The following VTI1A variants were observed in gnomAD, a reference collection of about 807,000 sequenced individuals.
VTI1A encodes vesicle transport through interaction with t-SNAREs 1A, also known as vesicle transport through interaction with t-SNAREs homolog 1A.
A neutral mutation model predicts 34.9 loss-of-function variants in VTI1A; 22 were observed. The observed-to-expected ratio is 0.63, with a 90% CI of 0.45 to 0.90. VTI1A has a LOEUF of 0.90. VTI1A is among the 40% of genes least tolerant of loss of function. The pLI is 0.00. For synonymous variants in VTI1A, 87 were observed against 97.3 expected, an observed-to-expected ratio of 0.89 and a Z score of 0.62; for missense variants, 268 against 275.6, an observed-to-expected ratio of 0.97 and a Z score of 0.20.
At chr10:112,678,830 C>T (rs1479824041) in intron 7 of VTI1A, among the ~76,000 whole-genome samples, 1 of 152,124 alleles carries the variant, frequency 6.6e-6, no homozygotes, top group Non-Finnish European at 1.5e-5. Flanking sequence ...CAAGGCAAGG[C>T]TTATCTGCAC....
At chr10:112,792,917 T>C (rs1228757766) in intron 7 of VTI1A, among the ~76,000 whole-genome samples, 1 of 152,226 alleles carries the variant, frequency 6.6e-6, no homozygotes, top group Non-Finnish European at 1.5e-5. Flanking sequence ...GATTATGCTT[T>C]CAGTTGTTAA....
At chr10:112,567,939 C>T (rs1851967873) in intron 5 of VTI1A, among the ~76,000 whole-genome samples, 1 of 152,134 alleles carries the variant, frequency 6.6e-6, no homozygotes, top group Non-Finnish European at 1.5e-5. Flanking sequence ...ATAGGCAAAA[C>T]CAGATTTCTC....
intron 7 of VTI1A, among the ~76,000 whole-genome samples, chr10:112,703,738 C>T (rs2133905344): frequency 6.6e-6 from 1 of 152,188 alleles, no homozygotes; most frequent in African/African-American, 2.4e-5. Context: ...CAGGTTGTAA[C>T]ATTTGAACAT....
intron 3 of VTI1A, among the ~76,000 whole-genome samples, chr10:112,498,854 C>A (rs1589832674): frequency 6.6e-6 from 1 of 152,116 alleles, no homozygotes; most frequent in South Asian, 2.1e-4. Flanking sequence ...ATTCAGGTAG[C>A]CTGTCACTTT....
intron 5 of VTI1A, among the ~76,000 whole-genome samples, chr10:112,579,450 G>A (rs191551444): frequency 2.6e-5 from 4 of 152,180 alleles, no homozygotes; most frequent in East Asian, 3.9e-4. Context: ...ACCTGTAATC[G>A]CAGCACTTTA....
chr10:112,576,485 A>G (rs1432724269), intron 5 of VTI1A, among the ~76,000 whole-genome samples: 2 of 152,240 alleles, frequency 1.3e-5, no homozygotes, highest in Non-Finnish European at 2.9e-5. Flanking sequence ...CATTCTCAAA[A>G]TAGAAACTTT....
chr10:112,575,164 G>T (rs1226317920), intron 5 of VTI1A, among the ~76,000 whole-genome samples: 1 of 152,060 alleles, frequency 6.6e-6, no homozygotes, highest in East Asian at 1.9e-4. Context: ...CTAATAGTAG[G>T]CACTAAATAA....
At chr10:112,649,039 A>T (rs778473006) in intron 5 of VTI1A, among the ~76,000 whole-genome samples, 4 of 152,108 alleles carry the variant, frequency 2.6e-5, no homozygotes, top group Non-Finnish European at 5.9e-5. Flanking sequence ...GAAGTGGAGA[A>T]TGGGATTTGC....
intron 7 of VTI1A, among the ~76,000 whole-genome samples, chr10:112,696,081 T>A (rs1268576373): frequency 7.1e-6 from 1 of 141,650 alleles, no homozygotes; most frequent in Non-Finnish European, 1.5e-5. Flanking sequence ...AAAAATGTAA[T>A]TAGAGAGAAT....
chr10:112,728,263 T>G (rs147396790), intron 7 of VTI1A, among the ~76,000 whole-genome samples: 1 of 152,292 alleles, frequency 6.6e-6, no homozygotes, highest in Non-Finnish European at 1.5e-5. Flanking sequence ...GAGAATATGT[T>G]GCACAGCTGG....
chr10:112,701,353 C>T (rs926313593), intron 7 of VTI1A, among the ~76,000 whole-genome samples: 6 of 152,172 alleles, frequency 3.9e-5, no homozygotes, highest in African/African-American at 1.4e-4. Flanking sequence ...GCGATTACTT[C>T]GAATGGCTGG....
In VTI1A at chr10:112,587,369, A is replaced by C. The variant is rs146763034; in HGVS notation, c.427+49039A>C. On this transcript the variant is annotated intron_variant, in intron 5 of 7. Transcript: ENST00000393077. Reference sequence around the variant, plus strand: ...TATGTTCTTGCCCCAAAGAGCTTATAACATAGGAGAAGGAAAGTTAAACAA... The same window carrying C: ...TATGTTCTTGCCCCAAAGAGCTTATCACATAGGAGAAGGAAAGTTAAACAA... 9.5e-3 allele frequency among the ~76,000 whole-genome samples: 1,453 copies of C among 152,272 alleles called. 24 individuals are homozygous for C. Among genetic ancestry groups the C allele is most frequent in the African/African-American group, 0.032 (1,349 of 41,564 alleles).
Position 112,527,129 on chromosome 10 carries a change from C to T in VTI1A, c.307C>T (p.Leu103Phe), listed in dbSNP as rs1442576404. ...IAYSDEVRNE[L>F]LGDDGNSSEN... The stretch of plus-strand genomic sequence containing the variant: ...CTACAGTGACGAAGTACGGAATGAG[C>T]TCCTGGGGGATGATGGGAATTCCTC... Residue 103 changes from leucine (L) to phenylalanine (F), a missense_variant, in exon 4 of 8, where the codon CTC (leucine) becomes TTC (phenylalanine). Coordinates refer to ENST00000393077, the MANE Select transcript of VTI1A (RefSeq NM_145206.4). The T allele has an allele frequency of 6.2e-7, 1 of 1,613,406 alleles. No individual in the cohort carries two copies. The highest frequency in any genetic ancestry group is 1.1e-5 in the South Asian group (1 of 90,964).
rs879527099 is a variant in VTI1A at position 112,817,350 on chromosome 10, C to T, written c.*1967C>T. 3.9e-5 allele frequency: 9 copies of T among 232,302 alleles called. No individual in the cohort carries two copies. Among genetic ancestry groups the T allele is most frequent in the South Asian group, 1.8e-4 (1 of 5,514 alleles). 14.4% of individuals were successfully genotyped at this position (232,302 alleles called of 1,614,324 possible). On this transcript the variant is annotated 3_prime_UTR_variant, in exon 8 of 8. Transcript: ENST00000393077. ...GGTTGATCGGATCATCTAAACTGGC[C>T]GCCTCCTGAATATTTCACTGAATCC...
intron 5 of VTI1A, among the ~76,000 whole-genome samples, chr10:112,541,652 A>G (rs537949533): frequency 6.6e-6 from 1 of 152,366 alleles, no homozygotes; most frequent in South Asian, 2.1e-4. Context: ...TTAATAAATA[A>G]TGAAATCCAT....
the VTI1A span, among the ~76,000 whole-genome samples, chr10:112,848,781 G>T: frequency 4.3e-3 from 655 of 152,324 alleles, 5 homozygotes; most frequent in African/African-American, 0.015. Flanking sequence ...CCCAGAGACT[G>T]CCCTGAGGAG....
chr10:112,487,582 A>G (rs1564796953), intron 3 of VTI1A, among the ~76,000 whole-genome samples: 1 of 152,124 alleles, frequency 6.6e-6, no homozygotes, highest in Non-Finnish European at 1.5e-5. Context: ...GCTGTAATCA[A>G]ATTAATCGGA....
At chr10:112,818,759 CTTTT>C (rs886508578), downstream of VTI1A, 7 of 186,864 alleles carry the variant, frequency 3.7e-5, no homozygotes, top group Non-Finnish European at 6.8e-5. Flanking sequence ...TTGTTTATCG[CTTTT>C]TTTTATTATT....
intron 5 of VTI1A, among the ~76,000 whole-genome samples, chr10:112,662,434 T>G (rs994342197): frequency 6.6e-6 from 1 of 152,232 alleles, no homozygotes; most frequent in African/African-American, 2.4e-5. Flanking sequence ...GCGAAGGATA[T>G]TCTATGTGGT....
Sources: allele counts gnomAD v4.1 joint callset (sites outside exome capture counted in the v4.1 genomes callset), GRCh38; gene constraint gnomAD v4.1.1; transcripts MANE v1.5; gene names NCBI Gene and HGNC (gene_info 2026-07-23, HGNC 2026-07-21).